The following FBXL7 variants were observed in gnomAD, a reference collection of about 807,000 sequenced individuals.
The protein encoded by FBXL7 is F-box/LRR-repeat protein 7.
FBXL7 carries 12 observed loss-of-function variants against 38.3 expected under a neutral mutation model. The ratio of observed to expected loss-of-function variants is 0.31; its 90% confidence interval spans 0.20 to 0.51. The LOEUF is 0.51. Ranked by LOEUF, FBXL7 falls within the 20% of genes least tolerant of loss-of-function variation. The pLI, the probability that FBXL7 is intolerant of heterozygous loss-of-function variation, is 0.98. For synonymous variants in FBXL7, 297 were observed against 300.9 expected (o/e 0.99, Z 0.13); for missense variants, 567 against 676.4 (o/e 0.84, Z 1.79).
chr5:15,698,185 C>CT (rs2126630026), intron 2 of FBXL7, among the ~76,000 whole-genome samples: 1 of 152,258 alleles, frequency 6.6e-6, no homozygotes, highest in South Asian at 2.1e-4. Flanking sequence ...AATCTGTAAT[C>CT]TCTTAAAAAA....
At chr5:15,739,257 C>CTGCCTCTTGCCCTTCAGA (rs569007271) in intron 2 of FBXL7, among the ~76,000 whole-genome samples, 3,684 of 152,180 alleles carry the variant, frequency 0.024, 93 homozygotes, top group East Asian at 0.065. Flanking sequence ...GCCCTTGATT[C>CTGCCTCTTGCCCTTCAGA]TGCCTCTTGC....
intron 2 of FBXL7, among the ~76,000 whole-genome samples, chr5:15,745,108 T>G (rs561043216): frequency 2.2e-4 from 33 of 152,308 alleles, no homozygotes; most frequent in Middle Eastern, 3.4e-3. Context: ...AAAATAAGAA[T>G]AGAGATGAGT....
intron 2 of FBXL7, among the ~76,000 whole-genome samples, chr5:15,812,140 T>C (rs1402142827): frequency 6.6e-6 from 1 of 152,146 alleles, no homozygotes; most frequent in African/African-American, 2.4e-5. Flanking sequence ...ATATACACCA[T>C]GGAATACTAT....
chr5:15,831,803 T>G (rs1738462732), intron 2 of FBXL7, among the ~76,000 whole-genome samples: 1 of 152,084 alleles, frequency 6.6e-6, no homozygotes, highest in South Asian at 2.1e-4. Flanking sequence ...GGACAGCATC[T>G]TTTCTTTCGG....
At chr5:15,709,988 G>A (rs1743813440) in intron 2 of FBXL7, among the ~76,000 whole-genome samples, 1 of 152,062 alleles carries the variant, frequency 6.6e-6, no homozygotes, top group Non-Finnish European at 1.5e-5. Context: ...ATCACACTGG[G>A]TCTTAGGTTC....
chr5:15,582,935 G>GTTT (rs573419096), intron 1 of FBXL7, among the ~76,000 whole-genome samples: 8 of 138,588 alleles, frequency 5.8e-5, no homozygotes, highest in Non-Finnish European at 9.4e-5. Context: ...CTTGGCTCAT[G>GTTT]TTTTTTTTTT....
intron 2 of FBXL7, among the ~76,000 whole-genome samples, chr5:15,652,024 C>T (rs1160661872): frequency 2.6e-5 from 4 of 152,190 alleles, no homozygotes; most frequent in Non-Finnish European, 5.9e-5. Context: ...TTTCCTTAAA[C>T]TTTATGATCC....
intron 1 of FBXL7, among the ~76,000 whole-genome samples, chr5:15,525,415 G>C (rs1222553391): frequency 6.6e-6 from 1 of 152,072 alleles, no homozygotes; most frequent in African/African-American, 2.4e-5. Flanking sequence ...TGATACCTTA[G>C]TCCTGGACTC....
chr5:15,541,109 C>T (rs1240605522), intron 1 of FBXL7, among the ~76,000 whole-genome samples: 1 of 150,570 alleles, frequency 6.6e-6, no homozygotes, highest in East Asian at 2.0e-4. Context: ...TATGCATATA[C>T]ATTTTCTTTT....
At chr5:15,880,888 T>C (rs1292116952) in intron 2 of FBXL7, among the ~76,000 whole-genome samples, 1 of 151,584 alleles carries the variant, frequency 6.6e-6, no homozygotes, top group Non-Finnish European at 1.5e-5. Flanking sequence ...CCTAGCTCTG[T>C]AGTATGATCA....
chr5:15,541,443 GTATATATATA>G lies in FBXL7; in HGVS notation c.37+40759_37+40768del, dbSNP rs56810372. Among the ~76,000 whole-genome samples the G allele has an allele frequency of 5.3e-3, 204 of 38,444 alleles. 3 individuals are homozygous for G. Among genetic ancestry groups the G allele is most frequent in the African/African-American group, 0.017 (180 of 10,654 alleles). 25.2% of individuals were successfully genotyped at this position (38,444 alleles called of 152,430 possible). On this transcript the variant is annotated intron_variant, in intron 1 of 3. Coordinates refer to ENST00000504595, the MANE Select transcript of FBXL7 (RefSeq NM_012304.5). ...ACATATAGTATATATGTGTGTGTGTGTATATATATATATATATATATATATATATATATAT... is the reference window on the plus strand; with the variant it reads ...ACATATAGTATATATGTGTGTGTGTGTATATATATATATATATATATATAT...
intron 2 of FBXL7, among the ~76,000 whole-genome samples, chr5:15,627,818 T>G (rs193187281): frequency 6.6e-6 from 1 of 152,310 alleles, no homozygotes; most frequent in Non-Finnish European, 1.5e-5. Context: ...AACAATCTAG[T>G]TAACATGTCT....
At position 15,545,238 on chromosome 5, in the gene FBXL7, G is replaced by C. The variant is rs867089280; in HGVS notation, c.37+44525G>C. 1.4e-4 allele frequency among the ~76,000 whole-genome samples: 22 copies of C among 152,308 alleles called. No homozygotes were observed. In the South Asian group the frequency reaches 1.5e-3, roughly 10 times the overall value. ...CCCAGATCTATCTGGTACCAATTCAGATAACAAACCTTAATTGAGTATTGG... is the reference window on the plus strand; with the variant it reads ...CCCAGATCTATCTGGTACCAATTCACATAACAAACCTTAATTGAGTATTGG... On this transcript the variant is annotated intron_variant, in intron 1 of 3. Coordinates refer to ENST00000504595, the MANE Select transcript of FBXL7 (RefSeq NM_012304.5).
In FBXL7 at chr5:15,936,033, GCTC is replaced by G. The variant is rs756792879; in HGVS notation, c.740-414_740-412del. ...CAGCTCAAGAACTCACTTTTACTGA[GCTC>G]CTGGAACTTTCCAGGGCCAAGGCAA... On this transcript the variant is annotated intron_variant, in intron 3 of 3. Transcript: ENST00000504595. The surrounding 1 kb of genome is among the most constrained non-coding windows in gnomAD (Gnocchi z 6.0). Among the ~76,000 whole-genome samples the G allele has an allele frequency of 3.3e-5, 5 of 152,152 alleles. No individual in the cohort carries two copies. Among genetic ancestry groups the G allele is most frequent in the Non-Finnish European group, 5.9e-5 (4 of 68,050 alleles).
At chr5:15,512,539 T>G (rs1736828200) in intron 1 of FBXL7, among the ~76,000 whole-genome samples, 5 of 152,222 alleles carry the variant, frequency 3.3e-5, no homozygotes, top group Admixed American at 3.3e-4. Context: ...TTTCTTAAAC[T>G]TGGACATTTT....
chr5:15,862,611 G>A (rs549560046), intron 2 of FBXL7, among the ~76,000 whole-genome samples: 2 of 152,278 alleles, frequency 1.3e-5, no homozygotes, highest in Admixed American at 1.3e-4. Context: ...GCAGGGAGCT[G>A]GTGGTGCTCT....
At chr5:15,502,973 A>G (rs1312295191) in intron 1 of FBXL7, among the ~76,000 whole-genome samples, 6 of 152,230 alleles carry the variant, frequency 3.9e-5, no homozygotes, top group South Asian at 2.1e-4. Context: ...GAAATTATCC[A>G]TGAGTGCATA....
chr5:15,621,294 T>A (rs1484964082), intron 2 of FBXL7, among the ~76,000 whole-genome samples: 7 of 152,198 alleles, frequency 4.6e-5, no homozygotes, highest in Admixed American at 4.6e-4. Flanking sequence ...TAGGGGGGGT[T>A]GGGTTCCAGT....
At chr5:15,836,260 A>G (rs550659147) in intron 2 of FBXL7, among the ~76,000 whole-genome samples, 1 of 152,312 alleles carries the variant, frequency 6.6e-6, no homozygotes, top group South Asian at 2.1e-4. Flanking sequence ...AAGCTTTGGG[A>G]TATGTCAGTC....
Sources: gnomAD v4.1 joint callset for allele counts (sites outside exome capture counted in the v4.1 genomes callset) on GRCh38, gnomAD v4.1.1 for gene constraint, Gnocchi (gnomAD v3.1) non-coding constraint, MANE v1.5 for transcripts, NCBI Gene and HGNC (gene_info 2026-07-23, HGNC 2026-07-21) for gene names.